GMDS: variants seen among roughly 807,000 people sequenced by gnomAD.
The protein encoded by GMDS is GDP-mannose 4,6 dehydratase.
A neutral mutation model predicts 49.9 loss-of-function variants in GMDS; 20 were observed. The ratio of observed to expected loss-of-function variants is 0.40; its 90% CI spans 0.28 to 0.58. The LOEUF is 0.58. Ranked by LOEUF, GMDS falls within the 20% of genes least tolerant of loss-of-function variation. The pLI, the probability that GMDS is intolerant of heterozygous loss-of-function variation, is 0.42. For missense variants in GMDS, 362 were observed against 481.4 expected (o/e 0.75, Z 2.32); for synonymous variants, 177 against 178.6 (o/e 0.99, Z 0.07).
At chr6:2,232,169 A>C (rs1238788114) in intron 1 of GMDS, among the ~76,000 whole-genome samples, 1 of 151,192 alleles carries the variant, frequency 6.6e-6, no homozygotes, top group African/African-American at 2.4e-5. Context: ...TTTTTTTTTA[A>C]ATACTGTGAT....
chr6:1,966,059 T>C (rs1764241653), intron 4 of GMDS, among the ~76,000 whole-genome samples: 1 of 152,152 alleles, frequency 6.6e-6, no homozygotes, highest in Non-Finnish European at 1.5e-5. Flanking sequence ...TTCCACACTA[T>C]GACAGCAGGC....
chr6:1,637,622 G>C (rs1763202399), intron 9 of GMDS, among the ~76,000 whole-genome samples: 1 of 152,238 alleles, frequency 6.6e-6, no homozygotes, highest in South Asian at 2.1e-4. Context: ...TTCCGCACCA[G>C]CACAGATCAT....
At chr6:1,768,210 G>C (rs1298266910) in intron 7 of GMDS, among the ~76,000 whole-genome samples, 1 of 151,946 alleles carries the variant, frequency 6.6e-6, no homozygotes, top group African/African-American at 2.4e-5. Flanking sequence ...TGTAAACAGG[G>C]GAATATCTAA....
chr6:1,850,547 G>A (rs559018751), intron 7 of GMDS, among the ~76,000 whole-genome samples: 41 of 152,114 alleles, frequency 2.7e-4, no homozygotes, highest in African/African-American at 9.9e-4. Flanking sequence ...AAACTCCTCA[G>A]CTATTTCCTC....
At chr6:2,037,544 C>T (rs1025477947) in intron 4 of GMDS, among the ~76,000 whole-genome samples, 4 of 152,102 alleles carry the variant, frequency 2.6e-5, no homozygotes, top group East Asian at 1.9e-4. Context: ...TTCAAACAGA[C>T]GAGAAGTACA....
At chr6:1,829,691 C>T (rs773086670) in intron 7 of GMDS, among the ~76,000 whole-genome samples, 3 of 152,208 alleles carry the variant, frequency 2.0e-5, no homozygotes, top group African/African-American at 4.8e-5. Context: ...CCACCCTCCT[C>T]GGCCTCCCAA....
chr6:2,188,449 A>T (rs1053288088), intron 1 of GMDS, among the ~76,000 whole-genome samples: 1 of 152,164 alleles, frequency 6.6e-6, no homozygotes, highest in African/African-American at 2.4e-5. Flanking sequence ...TCCCCTTGAG[A>T]GCCAAAGGGA....
chr6:1,942,711 A>G (rs557586720), intron 6 of GMDS, among the ~76,000 whole-genome samples: 2 of 152,382 alleles, frequency 1.3e-5, no homozygotes, highest in South Asian at 4.1e-4. Flanking sequence ...TCCTGAAGAT[A>G]TCTGAGTTAC....
chr6:1,652,411 ATATAT>A lies in GMDS; in HGVS notation c.988-27876_988-27872del, dbSNP rs1276052469. 3.5e-4 allele frequency among the ~76,000 whole-genome samples: 9 copies of A among 25,978 alleles called. 1 individual carries two copies. Among genetic ancestry groups the A allele is most frequent in the African/African-American group, 1.3e-3 (9 of 7,060 alleles). The allele number at this position is 25,978 out of a possible 152,430, so 17.0% of individuals were successfully genotyped here. A position where few individuals can be genotyped will look rare whatever the true frequency, so the allele number is the denominator to read the frequency against. ...TATATATTATATATATATATATATT[ATATAT>A]AATATATATATAATATATTATATAT... On this transcript the variant is annotated intron_variant, in intron 9 of 10. Transcript: ENST00000380815.
chr6:1,642,520 T>G (rs62390642), intron 9 of GMDS, among the ~76,000 whole-genome samples: 17,053 of 152,224 alleles, frequency 0.11, 1,123 homozygotes, highest in Non-Finnish European at 0.15. Flanking sequence ...TGCTCAGATT[T>G]GTCTGAAAAT....
chr6:1,777,122 G>A (rs142539794), intron 7 of GMDS, among the ~76,000 whole-genome samples: 4 of 152,330 alleles, frequency 2.6e-5, no homozygotes, highest in East Asian at 3.9e-4. Context: ...AATGCCTACC[G>A]TGTGCCAGGC....
At chr6:1,837,046 TCATA>T (rs1756957920) in intron 7 of GMDS, among the ~76,000 whole-genome samples, 1 of 152,358 alleles carries the variant, frequency 6.6e-6, no homozygotes, top group African/African-American at 2.4e-5. Context: ...GCAATTACGT[TCATA>T]CAAAGTTTAA....
intron 6 of GMDS, among the ~76,000 whole-genome samples, chr6:1,933,679 T>C (rs1336880311): frequency 6.6e-6 from 1 of 152,258 alleles, no homozygotes; most frequent in Non-Finnish European, 1.5e-5. Flanking sequence ...TTTGGAGACA[T>C]GTCTATTCAG....
At position 1,968,150 on chromosome 6, in the gene GMDS, A is replaced by G. The variant is rs140054787; in HGVS notation, c.346-7184T>C. On this transcript the variant is annotated intron_variant, in intron 4 of 10. Coordinates refer to ENST00000380815, the MANE Select transcript of GMDS (RefSeq NM_001500.4). ...AATGTTAATTTTATAACTATGTGAAACTGAACAGAGATGAAAGAGGGCATG... is the reference window on the plus strand; with the variant it reads ...AATGTTAATTTTATAACTATGTGAAGCTGAACAGAGATGAAAGAGGGCATG... Among the ~76,000 whole-genome samples, 936 of 152,348 alleles carry G rather than the reference A, an allele frequency of 6.1e-3. 8 individuals carry two copies. Among genetic ancestry groups the G allele is most frequent in the African/African-American group, 0.021 (892 of 41,582 alleles).
chr6:2,098,852 T>C (rs930270811), intron 4 of GMDS, among the ~76,000 whole-genome samples: 2 of 152,176 alleles, frequency 1.3e-5, no homozygotes, highest in Non-Finnish European at 2.9e-5. Flanking sequence ...AAGGTTTAAA[T>C]ACAATGACAG....
chr6:1,709,938 G>A (rs1234525988), intron 9 of GMDS, among the ~76,000 whole-genome samples: 1 of 152,156 alleles, frequency 6.6e-6, no homozygotes, highest in East Asian at 1.9e-4. Context: ...GCTTCATGCA[G>A]CAGCTTTTGG....
intron 4 of GMDS, among the ~76,000 whole-genome samples, chr6:2,062,222 G>A (rs1417967227): frequency 6.6e-5 from 10 of 152,168 alleles, no homozygotes; most frequent in Non-Finnish European, 8.8e-5. Context: ...TACCTGAGGC[G>A]CTGGATGGGC....
At chr6:2,014,445 C>T (rs1424045651) in intron 4 of GMDS, among the ~76,000 whole-genome samples, 1 of 151,908 alleles carries the variant, frequency 6.6e-6, no homozygotes, top group Non-Finnish European at 1.5e-5. Flanking sequence ...GGGAGATGTT[C>T]AAAATACTCT....
rs543579401 is a variant in GMDS, at chr6:1,623,940, AGAG to A, written c.*226_*228del. ...ACATCTTGATTTCACAAAGCCATTC[AGAG>A]GAGGCTTCGACAAACGCAAAGCGAC... On this transcript the variant is annotated 3_prime_UTR_variant, in exon 11 of 11. Transcript: ENST00000380815. The A allele has an allele frequency of 1.8e-4, 91 of 510,796 alleles. 1 individual carries two copies. The South Asian group carries it at 2.9e-3, about 16-fold the overall frequency. 31.6% of individuals were successfully genotyped at this position (510,796 alleles called of 1,614,324 possible). A position where few individuals can be genotyped will look rare whatever the true frequency, so the allele number is the denominator to read the frequency against.
Sources: gnomAD v4.1 joint callset for allele counts (sites outside exome capture counted in the v4.1 genomes callset) on GRCh38, gnomAD v4.1.1 for gene constraint, MANE v1.5 for transcripts, NCBI Gene and HGNC (gene_info 2026-07-23, HGNC 2026-07-21) for gene names.